The following WWOX variants were observed in gnomAD, a reference collection of about 807,000 sequenced individuals.
WWOX encodes WW domain-containing oxidoreductase.
A neutral mutation model predicts 46.2 loss-of-function variants in WWOX; 69 were observed. The ratio of observed to expected loss-of-function variants is 1.49; its 90% CI spans 1.23 to 1.82. The LOEUF (loss-of-function observed/expected upper bound fraction) is 1.82. Ranked by LOEUF, WWOX falls within the 40% of genes most tolerant of loss-of-function variation. WWOX has a pLI of 0.00. For synonymous variants in WWOX, 359 were observed against 202.6 expected, an observed-to-expected ratio of 1.77 and a Z score of -6.56; for missense variants, 919 against 542.6, an observed-to-expected ratio of 1.69 and a Z score of -6.89.
At chr16:78,395,764 CTTTT>C (rs2082270913) in intron 6 of WWOX, among the ~76,000 whole-genome samples, 1 of 151,574 alleles carries the variant, frequency 6.6e-6, no homozygotes, top group African/African-American at 2.4e-5. Context: ...TTTTCTTTTT[CTTTT>C]TCTTTTTCTT....
chr16:78,511,260 TCAC>T (rs1567614369), intron 8 of WWOX, among the ~76,000 whole-genome samples: 1 of 152,190 alleles, frequency 6.6e-6, no homozygotes, highest in Non-Finnish European at 1.5e-5. Flanking sequence ...GTACAATTAG[TCAC>T]CATGTCTTTT....
chr16:78,336,590 T>C (rs969944106), intron 5 of WWOX, among the ~76,000 whole-genome samples: 15 of 151,042 alleles, frequency 9.9e-5, no homozygotes, highest in African/African-American at 3.4e-4. Flanking sequence ...ATAGGGAGTG[T>C]TGAGGACCTG....
chr16:78,781,641 G>A (rs1173702988), intron 8 of WWOX, among the ~76,000 whole-genome samples: 1 of 152,114 alleles, frequency 6.6e-6, no homozygotes, highest in Non-Finnish European at 1.5e-5. Context: ...TGAATATTGG[G>A]CCGGGCTTGG....
chr16:78,661,688 A>G (rs1192080195), intron 8 of WWOX, among the ~76,000 whole-genome samples: 3 of 152,026 alleles, frequency 2.0e-5, no homozygotes, highest in Admixed American at 6.6e-5. Flanking sequence ...TGGGGGGAAA[A>G]GCTTCAGGGA....
intron 5 of WWOX, among the ~76,000 whole-genome samples, chr16:78,210,306 T>C (rs1418850591): frequency 6.6e-6 from 1 of 152,204 alleles, no homozygotes; most frequent in African/African-American, 2.4e-5. Context: ...CAGGGAAGCA[T>C]CGGCTTCAGG....
At chr16:79,136,235 T>C (rs2049979193) in intron 8 of WWOX, among the ~76,000 whole-genome samples, 1 of 127,632 alleles carries the variant, frequency 7.8e-6, no homozygotes, top group South Asian at 2.2e-4. Flanking sequence ...TCACTTCTTC[T>C]TTTTTTTTTT....
Position 78,234,303 on chromosome 16 carries a change from G to A in WWOX, c.516+70014G>A, listed in dbSNP as rs1334646552. ...TACTTTTATGACTATTCATTTTGATGTAGGCCTTTTAAAATCAATTCCTCC... is the reference window on the plus strand; with the variant it reads ...TACTTTTATGACTATTCATTTTGATATAGGCCTTTTAAAATCAATTCCTCC... On this transcript the variant is annotated intron_variant, in intron 5 of 8. Transcript: ENST00000566780. 2.6e-5 allele frequency among the ~76,000 whole-genome samples: 4 copies of A among 152,080 alleles called. No individual in the cohort carries two copies. In the South Asian group the frequency reaches 8.3e-4, roughly 32 times the overall value.
At chr16:78,142,047 A>G (rs1422588662) in intron 4 of WWOX, among the ~76,000 whole-genome samples, 1 of 145,794 alleles carries the variant, frequency 6.9e-6, no homozygotes, top group Non-Finnish European at 1.5e-5. Flanking sequence ...TCATTTTATT[A>G]TCTCATAACA....
At chr16:78,526,089 C>T (rs1371776003) in intron 8 of WWOX, 1 of 152,190 alleles carries the variant, frequency 6.6e-6, no homozygotes, top group Non-Finnish European at 1.5e-5. Flanking sequence ...CACACACCAG[C>T]CCTGGTCATC....
intron 5 of WWOX, among the ~76,000 whole-genome samples, chr16:78,231,335 A>G (rs945786115): frequency 2.6e-5 from 4 of 152,230 alleles, no homozygotes; most frequent in African/African-American, 9.6e-5. Flanking sequence ...ATTACTATGC[A>G]TTGCACATTT....
chr16:78,679,354 C>A (rs1352498169), intron 8 of WWOX, among the ~76,000 whole-genome samples: 1 of 152,134 alleles, frequency 6.6e-6, no homozygotes, highest in Non-Finnish European at 1.5e-5. Context: ...AGTTCGAGAC[C>A]AGCTTGGCCA....
chr16:79,031,963 AAGAG>A (rs975825384), intron 8 of WWOX, among the ~76,000 whole-genome samples: 1 of 142,066 alleles, frequency 7.0e-6, no homozygotes, highest in Non-Finnish European at 1.5e-5. Flanking sequence ...TATATATAGA[AAGAG>A]AGGGAACTGA....
chr16:78,958,742 G>A (rs947690460), intron 8 of WWOX, among the ~76,000 whole-genome samples: 2 of 152,334 alleles, frequency 1.3e-5, no homozygotes, highest in East Asian at 3.9e-4. Flanking sequence ...TTAGTTTGAT[G>A]AAATATACCA....
At chr16:78,362,014 G>C (rs1465223616) in intron 5 of WWOX, among the ~76,000 whole-genome samples, 1 of 117,202 alleles carries the variant, frequency 8.5e-6, no homozygotes, top group African/African-American at 3.2e-5. Context: ...TTATTCTGTT[G>C]CTGAAACCAT....
intron 5 of WWOX, among the ~76,000 whole-genome samples, chr16:78,299,516 CTTTTCTTTT>C (rs1486805424): frequency 2.0e-5 from 3 of 146,916 alleles, no homozygotes; most frequent in East Asian, 2.0e-4. Flanking sequence ...CTTTTCTTTT[CTTTTCTTTT>C]TTTTTTTTTT....
chr16:78,441,990 G>GTGTGTT (rs59768866), intron 8 of WWOX, among the ~76,000 whole-genome samples: 1 of 150,498 alleles, frequency 6.6e-6, no homozygotes, highest in African/African-American at 2.5e-5. Context: ...GTGTGTGTGT[G>GTGTGTT]GCTGGGCATG....
intron 8 of WWOX, among the ~76,000 whole-genome samples, chr16:78,862,024 T>C (rs560178959): frequency 4.6e-5 from 7 of 151,904 alleles, no homozygotes; most frequent in Admixed American, 2.0e-4. Context: ...TGTATAGATA[T>C]AGATACACAC....
At chr16:78,899,528 C>T (rs899147189) in intron 8 of WWOX, 4 of 152,110 alleles carry the variant, frequency 2.6e-5, no homozygotes, top group Non-Finnish European at 4.4e-5. Flanking sequence ...TTTAATATTA[C>T]AGCATCTGTG....
chr16:78,302,904 C>T (rs978966984), intron 5 of WWOX, among the ~76,000 whole-genome samples: 1 of 152,200 alleles, frequency 6.6e-6, no homozygotes, highest in African/African-American at 2.4e-5. Flanking sequence ...GGAAATTTCC[C>T]TGTGGACCTC....
Sources: gnomAD v4.1 joint callset for allele counts (sites outside exome capture counted in the v4.1 genomes callset) on GRCh38, gnomAD v4.1.1 for gene constraint, MANE v1.5 for transcripts, NCBI Gene and HGNC (gene_info 2026-07-23, HGNC 2026-07-21) for gene names.